Variants in LYPLAL1 observed in about 807,000 individuals in gnomAD.
The protein encoded by LYPLAL1 is lysophospholipase-like protein 1.
In LYPLAL1, 23 loss-of-function variants were observed where a neutral mutation model predicts 19.7. The ratio of observed to expected loss-of-function variants is 1.17; its 90% CI spans 0.84 to 1.65. The LOEUF (loss-of-function observed/expected upper bound fraction) is 1.65, where lower values mean the gene tolerates loss of function less well. Among genes scored for constraint, LYPLAL1 ranks in the 40% most tolerant of loss-of-function variants. The pLI is 0.00. For missense variants in LYPLAL1, 355 were observed against 279.4 expected, an observed-to-expected ratio of 1.27 and a Z score of -1.93; for synonymous variants, 119 against 96.3, an observed-to-expected ratio of 1.24 and a Z score of -1.38.
chr1:219,423,584 C>T, the LYPLAL1 span, among the ~76,000 whole-genome samples: 1 of 152,264 alleles, frequency 6.6e-6, no homozygotes, highest in Non-Finnish European at 1.5e-5. Flanking sequence ...AATGAGACAA[C>T]TTCATTGCAT....
intron 2 of LYPLAL1, among the ~76,000 whole-genome samples, chr1:219,192,092 C>G (rs1657231070): frequency 2.0e-5 from 3 of 151,552 alleles, no homozygotes; most frequent in Admixed American, 6.6e-5. Flanking sequence ...TCCAGCACCA[C>G]CCACTGGTCC....
the LYPLAL1 span, among the ~76,000 whole-genome samples, chr1:219,230,933 A>T: frequency 6.6e-6 from 1 of 152,134 alleles, no homozygotes; most frequent in Non-Finnish European, 1.5e-5. Context: ...CCACTTGACC[A>T]CCCACCCACG....
At chr1:219,391,613 A>G in the LYPLAL1 span, among the ~76,000 whole-genome samples, 5 of 152,072 alleles carry the variant, frequency 3.3e-5, no homozygotes, top group Non-Finnish European at 5.9e-5. Flanking sequence ...TCTTTGTCTC[A>G]CTGAAATCTG....
At chr1:219,420,708 T>A in the LYPLAL1 span, among the ~76,000 whole-genome samples, 1 of 152,220 alleles carries the variant, frequency 6.6e-6, no homozygotes, top group Non-Finnish European at 1.5e-5. Flanking sequence ...AGATAAATAT[T>A]GAAGTATCAT....
the LYPLAL1 span, among the ~76,000 whole-genome samples, chr1:219,372,367 C>A: frequency 6.6e-6 from 1 of 152,088 alleles, no homozygotes; most frequent in Non-Finnish European, 1.5e-5. Context: ...TCAGAGAAGA[C>A]CTTAAAAATC....
chr1:219,262,513 G>T, the LYPLAL1 span, among the ~76,000 whole-genome samples: 29 of 152,270 alleles, frequency 1.9e-4, no homozygotes, highest in South Asian at 5.6e-3. Flanking sequence ...TGATTCTTTT[G>T]TACAATAGGG....
chr1:219,262,329 C>A, the LYPLAL1 span, among the ~76,000 whole-genome samples: 1 of 152,040 alleles, frequency 6.6e-6, no homozygotes, highest in Non-Finnish European at 1.5e-5. Flanking sequence ...AATAATCAAC[C>A]TTCTGAATTC....
chr1:219,390,864 A>G, the LYPLAL1 span, among the ~76,000 whole-genome samples: 4 of 152,152 alleles, frequency 2.6e-5, no homozygotes, highest in African/African-American at 9.7e-5. Context: ...GATCTCCCCA[A>G]ACTGGCCTAA....
chr1:219,261,961 T>C, the LYPLAL1 span, among the ~76,000 whole-genome samples: 1 of 152,212 alleles, frequency 6.6e-6, no homozygotes, highest in East Asian at 1.9e-4. Flanking sequence ...TTTAGATTTC[T>C]CTTCTTTCTC....
At chr1:219,396,887 C>T in the LYPLAL1 span, among the ~76,000 whole-genome samples, 1 of 152,192 alleles carries the variant, frequency 6.6e-6, no homozygotes, top group East Asian at 1.9e-4. Context: ...TTCCTCTCTT[C>T]CTACTTGGAT....
the LYPLAL1 span, among the ~76,000 whole-genome samples, chr1:219,260,993 A>AAAATAT: frequency 6.6e-6 from 1 of 152,102 alleles, no homozygotes; most frequent in Non-Finnish European, 1.5e-5. Flanking sequence ...TCCTTGGGTC[A>AAAATAT]CAAAGAAAAT....
At chr1:219,419,594 C>CACAGAGAG in the LYPLAL1 span, among the ~76,000 whole-genome samples, 3,359 of 99,472 alleles carry the variant, frequency 0.034, 100 homozygotes, top group Middle Eastern at 0.065. Flanking sequence ...CACACACACA[C>CACAGAGAG]AGAGAGAGAG....
intron 3 of LYPLAL1, among the ~76,000 whole-genome samples, chr1:219,207,220 T>C (rs181074418): frequency 2.6e-4 from 40 of 152,110 alleles, no homozygotes; most frequent in Non-Finnish European, 5.0e-4. Context: ...TTTCTTTAAA[T>C]GGTGACCATA....
the LYPLAL1 span, among the ~76,000 whole-genome samples, chr1:219,238,477 C>G: frequency 6.6e-6 from 1 of 151,678 alleles, no homozygotes; most frequent in African/African-American, 2.4e-5. Flanking sequence ...CTGTGATGAC[C>G]CCTTTGGAAT....
intron 2 of LYPLAL1, among the ~76,000 whole-genome samples, chr1:219,179,789 T>A (rs1385442672): frequency 6.6e-6 from 1 of 152,184 alleles, no homozygotes; most frequent in Non-Finnish European, 1.5e-5. Context: ...GTGCAAAAAA[T>A]TCACAGTAAT....
intron 2 of LYPLAL1, among the ~76,000 whole-genome samples, chr1:219,183,503 T>C (rs979257736): frequency 1.3e-5 from 2 of 152,158 alleles, no homozygotes; most frequent in Admixed American, 6.6e-5. Flanking sequence ...ACAGAGAATT[T>C]TGGTAAAATT....
the LYPLAL1 span, among the ~76,000 whole-genome samples, chr1:219,411,261 T>G: frequency 1.3e-5 from 2 of 149,238 alleles, no homozygotes; most frequent in South Asian, 4.2e-4. Context: ...TGGAGAGTCT[T>G]TATGTCTAGC....
chr1:219,209,991 A>AT (rs769324045), intron 3 of LYPLAL1, among the ~76,000 whole-genome samples: 3 of 152,120 alleles, frequency 2.0e-5, no homozygotes, highest in Non-Finnish European at 4.4e-5. Flanking sequence ...ATCACCATAA[A>AT]TTAGTTTCCA....
At chr1:219,371,659 A>G in the LYPLAL1 span, among the ~76,000 whole-genome samples, 1 of 152,212 alleles carries the variant, frequency 6.6e-6, no homozygotes, top group African/African-American at 2.4e-5. Flanking sequence ...GTTTTGGCCA[A>G]TCAAAGGTGG....
Sources: allele counts gnomAD v4.1 joint callset (sites outside exome capture counted in the v4.1 genomes callset), GRCh38; gene constraint gnomAD v4.1.1; transcripts MANE v1.5; gene names NCBI Gene and HGNC (gene_info 2026-07-23, HGNC 2026-07-21).